STXBP4: variants seen among roughly 807,000 people sequenced by gnomAD.
STXBP4 encodes syntaxin binding protein 4, also known as syntaxin-binding protein 4.
A neutral mutation model predicts 76.1 loss-of-function variants in STXBP4; 55 were observed. The ratio of observed to expected loss-of-function variants is 0.72; its 90% CI spans 0.58 to 0.91. STXBP4 has a LOEUF of 0.91. Ranked by LOEUF, STXBP4 falls within the 40% of genes least tolerant of loss-of-function variation. The probability of loss-of-function intolerance (pLI) is 0.00; values close to 1 mark genes in which losing one functional copy is unlikely to be tolerated. For missense variants in STXBP4, 618 were observed against 636.9 expected, an observed-to-expected ratio of 0.97 and a Z score of 0.32; for synonymous variants, 201 against 220.2, an observed-to-expected ratio of 0.91 and a Z score of 0.77.
chr17:54,999,520 G>C, intron 5 of STXBP4, 69 bp downstream of exon 5: 1 of 1,467,826 alleles, frequency 6.8e-7, no homozygotes, highest in Non-Finnish European at 9.3e-7. Context: ...AATTTAAGAT[G>C]TATTAAGTAC....
intron 17 of STXBP4, among the ~76,000 whole-genome samples, chr17:55,144,335 A>G (rs1287717364): frequency 6.6e-6 from 1 of 152,134 alleles, no homozygotes; most frequent in African/African-American, 2.4e-5. Context: ...ACTTAACCCT[A>G]TTCAAGCACC....
chr17:55,149,083 G>A (rs1455902673), intron 17 of STXBP4, among the ~76,000 whole-genome samples: 1 of 152,202 alleles, frequency 6.6e-6, no homozygotes, highest in African/African-American at 2.4e-5. Flanking sequence ...AGGCTACAAT[G>A]AAGAAACCAA....
chr17:55,207,816 G>T, the STXBP4 span, among the ~76,000 whole-genome samples: 2 of 152,192 alleles, frequency 1.3e-5, no homozygotes, highest in Non-Finnish European at 2.9e-5. Flanking sequence ...GCAAACACAT[G>T]TAGTTTGTTG....
chr17:55,056,861 A>G (rs947584251), intron 12 of STXBP4, among the ~76,000 whole-genome samples: 2 of 152,182 alleles, frequency 1.3e-5, no homozygotes, highest in African/African-American at 4.8e-5. Flanking sequence ...ATTAGCATCA[A>G]ATTCAAGGAG....
chr17:55,200,965 G>A, the STXBP4 span, among the ~76,000 whole-genome samples: 1 of 152,212 alleles, frequency 6.6e-6, no homozygotes, highest in Non-Finnish European at 1.5e-5. Flanking sequence ...TATTAAGGAT[G>A]GTTACAGAGA....
chr17:55,197,623 G>A, the STXBP4 span, among the ~76,000 whole-genome samples: 1 of 152,090 alleles, frequency 6.6e-6, no homozygotes, highest in Non-Finnish European at 1.5e-5. Context: ...TGCACCTGTA[G>A]TCCCAGCTAC....
intron 13 of STXBP4, among the ~76,000 whole-genome samples, chr17:55,074,790 T>A (rs1230940269): frequency 6.6e-6 from 1 of 152,004 alleles, no homozygotes; most frequent in African/African-American, 2.4e-5. Context: ...CAGTAACCTG[T>A]CTCTGAAAAC....
downstream of STXBP4, among the ~76,000 whole-genome samples, chr17:55,177,667 T>A (rs1292851804): frequency 1.3e-5 from 2 of 152,214 alleles, no homozygotes; most frequent in African/African-American, 4.8e-5. Flanking sequence ...ATGATTGCTG[T>A]CCAATAAACA....
intron 12 of STXBP4, among the ~76,000 whole-genome samples, chr17:55,072,410 G>A (rs1398235597): frequency 6.6e-6 from 1 of 152,132 alleles, no homozygotes; most frequent in African/African-American, 2.4e-5. Context: ...AACCAAAAGG[G>A]AGAAGTAGTA....
At chr17:55,144,536 G>T (rs1041780384) in intron 17 of STXBP4, among the ~76,000 whole-genome samples, 2 of 152,154 alleles carry the variant, frequency 1.3e-5, no homozygotes, top group African/African-American at 2.4e-5. Flanking sequence ...GTCATCTCTT[G>T]CTTCTCTCAG....
At chr17:55,082,466 G>T (rs1159659343) in intron 16 of STXBP4, among the ~76,000 whole-genome samples, 1 of 152,020 alleles carries the variant, frequency 6.6e-6, no homozygotes, top group East Asian at 1.9e-4. Flanking sequence ...TTTTGTTCCA[G>T]ATTTTAGTAA....
intron 1 of STXBP4, among the ~76,000 whole-genome samples, chr17:54,978,100 A>G (rs2077496850): frequency 6.6e-6 from 1 of 152,208 alleles, no homozygotes; most frequent in Non-Finnish European, 1.5e-5. Flanking sequence ...GTGGACGTAT[A>G]TTTTAAAAAG....
chr17:55,212,661 C>T, the STXBP4 span, among the ~76,000 whole-genome samples: 1 of 152,122 alleles, frequency 6.6e-6, no homozygotes, highest in African/African-American at 2.4e-5. Flanking sequence ...TACATCTTCT[C>T]ACTGTTTGTT....
the STXBP4 span, among the ~76,000 whole-genome samples, chr17:55,191,834 A>G: frequency 2.6e-5 from 4 of 152,280 alleles, no homozygotes; most frequent in Non-Finnish European, 4.4e-5. Context: ...AGCTCAGTCA[A>G]ACAAGGCTTC....
At chr17:55,152,333 A>T (rs1406885731) in intron 17 of STXBP4, among the ~76,000 whole-genome samples, 1 of 152,180 alleles carries the variant, frequency 6.6e-6, no homozygotes, top group Non-Finnish European at 1.5e-5. Flanking sequence ...TTGCTACATG[A>T]TGTAAAAAAT....
chr17:55,181,641 A>G, the STXBP4 span, among the ~76,000 whole-genome samples: 2 of 152,212 alleles, frequency 1.3e-5, no homozygotes, highest in African/African-American at 2.4e-5. Context: ...ACTGAAGACA[A>G]TTAGAAAATC....
chr17:55,050,741 C>A (rs2078849043), intron 12 of STXBP4, among the ~76,000 whole-genome samples: 1 of 152,184 alleles, frequency 6.6e-6, no homozygotes, highest in Admixed American at 6.5e-5. Flanking sequence ...GATCTCAGCT[C>A]ACTGCAACCT....
At chr17:55,040,007 G>A (rs2078670996) in intron 10 of STXBP4, among the ~76,000 whole-genome samples, 1 of 151,996 alleles carries the variant, frequency 6.6e-6, no homozygotes, top group African/African-American at 2.4e-5. Context: ...AACTTGTAGG[G>A]AAAAAAGAGA....
At chr17:55,079,976 CTCTG>C (rs1403506667) in intron 15 of STXBP4, among the ~76,000 whole-genome samples, 6 of 152,074 alleles carry the variant, frequency 3.9e-5, no homozygotes, top group African/African-American at 1.4e-4. Flanking sequence ...TACAAGAAAA[CTCTG>C]TGAATTTCAT....
Sources: allele counts gnomAD v4.1 joint callset (sites outside exome capture counted in the v4.1 genomes callset), GRCh38; gene constraint gnomAD v4.1.1; transcripts MANE v1.5; gene names NCBI Gene and HGNC (gene_info 2026-07-23, HGNC 2026-07-21).